The following PSPC1 variants were observed in gnomAD, a reference collection of about 807,000 sequenced individuals.
The protein encoded by PSPC1 is paraspeckle protein 1.
In PSPC1, 14 loss-of-function variants were observed where a neutral mutation model predicts 51.6. The observed-to-expected ratio is 0.27, with a 90% CI of 0.18 to 0.42. The LOEUF (loss-of-function observed/expected upper bound fraction) is 0.42. Among genes scored for constraint, PSPC1 ranks in the 10% least tolerant of loss-of-function variants. The pLI is 1.00. For synonymous variants in PSPC1, 193 were observed against 231.9 expected (o/e 0.83, Z 1.53); for missense variants, 406 against 701.1 (o/e 0.58, Z 4.75).
At position 19,759,503 on chromosome 13, in the gene PSPC1, A is replaced by G. The variant is rs924370785; in HGVS notation, c.675-85T>C. 5.5e-6 allele frequency: 5 copies of G among 901,916 alleles called. No homozygotes were observed. The African/African-American group carries it at 8.5e-5, about 15-fold the overall frequency. 55.9% of individuals were successfully genotyped at this position (901,916 alleles called of 1,614,324 possible). On this transcript the variant is annotated intron_variant, in intron 2 of 8. Coordinates refer to ENST00000338910, the MANE Select transcript of PSPC1 (RefSeq NM_001354909.2). ...TAAAAGAAATGTTTTATAATAATAAAGATATATACTTAGAAAATGTCTCAC... is the reference window on the plus strand; with the variant it reads ...TAAAAGAAATGTTTTATAATAATAAGGATATATACTTAGAAAATGTCTCAC...
chr13:19,692,291 T>G (rs1226131013), intron 6 of PSPC1, among the ~76,000 whole-genome samples: 1 of 152,070 alleles, frequency 6.6e-6, no homozygotes, highest in Non-Finnish European at 1.5e-5. Context: ...GCCCGGCTAC[T>G]CTTTTAGTAG....
At chr13:19,734,941 G>A (rs1406367113) in intron 5 of PSPC1, among the ~76,000 whole-genome samples, 1 of 151,250 alleles carries the variant, frequency 6.6e-6, no homozygotes, top group African/African-American at 2.4e-5. Flanking sequence ...TCACACCACT[G>A]CATTACAGCC....
chr13:19,697,360 CTTAAT>C (rs374605068), intron 6 of PSPC1, among the ~76,000 whole-genome samples: 14 of 152,254 alleles, frequency 9.2e-5, no homozygotes, highest in African/African-American at 3.4e-4. Context: ...GCTGCTGTCC[CTTAAT>C]TTAGAGGACA....
chr13:19,764,296 C>G (rs1050050519), intron 2 of PSPC1, among the ~76,000 whole-genome samples: 2 of 152,014 alleles, frequency 1.3e-5, no homozygotes, highest in African/African-American at 4.8e-5. Flanking sequence ...CCTATACATG[C>G]TTTTTTTCAG....
At chr13:19,701,818 A>G (rs1331138524), downstream of PSPC1, among the ~76,000 whole-genome samples, 1 of 152,244 alleles carries the variant, frequency 6.6e-6, no homozygotes, top group African/African-American at 2.4e-5. Context: ...TTTTATGAGA[A>G]ACAGCTATGC....
At chr13:19,712,559 T>G (rs896326935) in intron 6 of PSPC1, among the ~76,000 whole-genome samples, 1 of 152,158 alleles carries the variant, frequency 6.6e-6, no homozygotes, top group African/African-American at 2.4e-5. Context: ...CAAAAATATC[T>G]ATGGTTTTAA....
intron 6 of PSPC1, among the ~76,000 whole-genome samples, chr13:19,681,077 C>T (rs866440712): frequency 2.0e-5 from 3 of 151,916 alleles, no homozygotes; most frequent in Admixed American, 6.6e-5. Context: ...TAGCTGAGTG[C>T]GGTGGCACAC....
At chr13:19,689,860 G>A (rs746103621) in intron 6 of PSPC1, among the ~76,000 whole-genome samples, 1 of 152,062 alleles carries the variant, frequency 6.6e-6, no homozygotes, top group East Asian at 1.9e-4. Context: ...AAGCAATGTC[G>A]ATTTTACAGG....
intron 2 of PSPC1, among the ~76,000 whole-genome samples, chr13:19,761,110 A>T (rs1264576838): frequency 6.6e-6 from 1 of 152,142 alleles, no homozygotes; most frequent in Non-Finnish European, 1.5e-5. Context: ...GAGCCACTGC[A>T]CTCTAACCTG....
chr13:19,714,670 T>G (rs1881876496), intron 6 of PSPC1, among the ~76,000 whole-genome samples: 1 of 151,948 alleles, frequency 6.6e-6, no homozygotes, highest in Non-Finnish European at 1.5e-5. Flanking sequence ...AATTTTTGTG[T>G]TTTTTGTAGA....
chr13:19,756,361 T>C (rs1459283987), intron 3 of PSPC1, among the ~76,000 whole-genome samples: 5 of 152,148 alleles, frequency 3.3e-5, no homozygotes, highest in African/African-American at 1.2e-4. Context: ...TCCAATTCTT[T>C]GTTCAAGACG....
intron 2 of PSPC1, 60 bp from the exon 3 acceptor site, chr13:19,759,478 T>A: frequency 8.8e-7 from 1 of 1,140,578 alleles, no homozygotes; most frequent in Non-Finnish European, 1.3e-6. Context: ...AATACCGTCT[T>A]AAAAGAAATG....
intron 7 of PSPC1, among the ~76,000 whole-genome samples, chr13:19,676,838 T>C (rs369830155): frequency 1.3e-5 from 2 of 152,236 alleles, no homozygotes; most frequent in Non-Finnish European, 2.9e-5. Context: ...CATTAATGTT[T>C]CAATAATATT....
At chr13:19,702,347 C>A (rs538598024), downstream of PSPC1, among the ~76,000 whole-genome samples, 1 of 152,222 alleles carries the variant, frequency 6.6e-6, no homozygotes, top group Non-Finnish European at 1.5e-5. Context: ...CACAGCCAAC[C>A]CAACAGTATT....
intron 4 of PSPC1, among the ~76,000 whole-genome samples, chr13:19,741,869 C>T (rs1421064498): frequency 1.3e-5 from 2 of 152,188 alleles, no homozygotes; most frequent in Non-Finnish European, 2.9e-5. Context: ...CGGTGGCCCA[C>T]GCCTACAATC....
intron 3 of PSPC1, 49 bp downstream of exon 3, chr13:19,759,274 G>T (rs780525477): frequency 4.3e-6 from 6 of 1,400,344 alleles, no homozygotes; most frequent in Admixed American, 1.7e-5. Context: ...CAAATGTAAT[G>T]AACACCCTTA....
At chr13:19,680,116 A>G (rs950311915) in intron 6 of PSPC1, among the ~76,000 whole-genome samples, 20 of 152,162 alleles carry the variant, frequency 1.3e-4, no homozygotes, top group African/African-American at 4.6e-4. Context: ...CCAGGTTCAA[A>G]TGATCCTCCT....
intron 6 of PSPC1, among the ~76,000 whole-genome samples, chr13:19,688,348 C>G (rs1220276853): frequency 6.6e-6 from 1 of 152,104 alleles, no homozygotes; most frequent in Non-Finnish European, 1.5e-5. Flanking sequence ...TCACACGATG[C>G]TCCCAAAACT....
chr13:19,729,672 G>A lies in PSPC1; in HGVS notation c.1158+567C>T, dbSNP rs1261041201. On this transcript the variant is annotated intron_variant, in intron 6 of 8. Coordinates refer to ENST00000338910, the MANE Select transcript of PSPC1 (RefSeq NM_001354909.2). ...AAAAATTAAGACCTGTGCAAATCTG[G>A]GCTTTAATTAGTTAAGATGAAAGAG... 3.3e-5 allele frequency among the ~76,000 whole-genome samples: 5 copies of A among 151,574 alleles called. 1 individual carries two copies. Among genetic ancestry groups the A allele is most frequent in the Non-Finnish European group, 7.4e-5 (5 of 67,944 alleles).
Sources: gnomAD v4.1 joint callset for allele counts (sites outside exome capture counted in the v4.1 genomes callset) on GRCh38, gnomAD v4.1.1 for gene constraint, MANE v1.5 for transcripts, NCBI Gene and HGNC (gene_info 2026-07-23, HGNC 2026-07-21) for gene names.